ARHGAP33: variants seen among roughly 807,000 people sequenced by gnomAD.
ARHGAP33 encodes Rho GTPase activating protein 33.
Under a neutral mutation model 126.2 loss-of-function variants are expected in ARHGAP33, and 57 were observed. The ratio of observed to expected loss-of-function variants is 0.45; its 90% confidence interval spans 0.36 to 0.56. ARHGAP33 has a LOEUF of 0.56. Ranked by LOEUF, ARHGAP33 falls within the 20% of genes least tolerant of loss-of-function variation. The probability of loss-of-function intolerance (pLI) is 0.00; values close to 1 mark genes in which losing one functional copy is unlikely to be tolerated. For missense variants in ARHGAP33, 1,500 were observed against 1,748.3 expected, an observed-to-expected ratio of 0.86 and a Z score of 2.53; for synonymous variants, 711 against 755.0, an observed-to-expected ratio of 0.94 and a Z score of 0.95.
chr19:35,785,051 C>T lies in ARHGAP33; in HGVS notation c.1666C>T (p.Leu556=), dbSNP rs1307076280. 3.9e-6 allele frequency: 6 copies of T among 1,556,202 alleles called. No homozygotes were observed. Among genetic ancestry groups the T allele is most frequent in the Non-Finnish European group, 4.3e-6 (5 of 1,150,230 alleles). ...AGCCCAGGCACGCACCCAGGGCCGGCTGGGGACGCCCACGGAGCCCACAAC... is the reference window on the plus strand; with the variant it reads ...AGCCCAGGCACGCACCCAGGGCCGGTTGGGGACGCCCACGGAGCCCACAAC... ...EEAQARTQGR[L]GTPTEPTTPK... Residue 556 remains leucine, a synonymous_variant, in exon 17 of 21, where the codon CTG becomes TTG. Transcript: ENST00000007510.
chr19:35,780,276 G>T lies in ARHGAP33; in HGVS notation c.567G>T (p.Ala189=). Residue 189 remains alanine (A), a synonymous_variant, in exon 7 of 21, where the codon GCG becomes GCT. Transcript: ENST00000007510. ...CGTCACTCAATATCCCTGCAGTGGC[G>T]GCCGCCCATGTGATCAAACGGTATA... is the stretch of plus-strand genomic sequence containing the variant. ...EEASLNIPAV[A]AAHVIKRYTA... 6.2e-7 allele frequency: 1 copy of T among 1,613,808 alleles called. No individual in the cohort carries two copies. The highest frequency in any genetic ancestry group is 8.5e-7 in the Non-Finnish European group (1 of 1,180,022).
Position 35,785,037 on chromosome 19 carries a change from G to T in ARHGAP33, c.1652G>T (p.Arg551Leu). The change falls in exon 17 of 21, where the codon CGC becomes CTC. Residue 551 changes from arginine (R) to leucine (L), a missense_variant. Arg to Leu is a moderately radical substitution (Grantham distance 102). This residue lies in a region of ARHGAP33 where 300 missense variants were observed against 291.1 expected (regional missense o/e 1.03). Coordinates refer to ENST00000007510, the MANE Select transcript of ARHGAP33 (RefSeq NM_001366178.1). Reference protein sequence around the residue: ...RLLTLEEAQARTQGRLGTPTE... With the variant: ...RLLTLEEAQALTQGRLGTPTE... ...CTGACGCTGGAGGAAGCCCAGGCAC[G>T]CACCCAGGGCCGGCTGGGGACGCCC... 1 of 1,552,562 alleles carries T rather than the reference G, an allele frequency of 6.4e-7. No individual in the cohort carries two copies.
Position 35,775,606 on chromosome 19 carries a change from G to T in ARHGAP33, c.-53G>T. The T allele has an allele frequency of 6.7e-7, 1 of 1,492,506 alleles. No homozygotes were observed. Among genetic ancestry groups the T allele is most frequent in the Non-Finnish European group, 8.9e-7 (1 of 1,125,994 alleles). 92.5% of individuals were successfully genotyped at this position (1,492,506 alleles called of 1,614,324 possible). A position where few individuals can be genotyped will look rare whatever the true frequency, so the allele number is the denominator to read the frequency against. ...GCCATGGCGGCGGCAGCGGCGACGA[G>T]AACGGCGAGCGAGGGGTCGAGCGCG... On this transcript the variant is annotated 5_prime_UTR_variant, in exon 1 of 21. Transcript: ENST00000007510.
Position 35,782,403 on chromosome 19 carries a change from G to A in ARHGAP33, c.1116G>A (p.Glu372=). Residue 372 remains glutamate (E), a synonymous_variant, in exon 13 of 21, where the codon GAG becomes GAA. Transcript: ENST00000007510. The surrounding 1 kb of genome is among the most constrained non-coding windows in gnomAD (Gnocchi z 4.1). The part of the protein sequence containing the change: ...RHEFDSERIP[E]LSGPAFLQDI... The stretch of plus-strand genomic sequence containing the variant: ...AGTTTGACAGTGAGAGGATCCCGGA[G>A]CTGTCTGGCCCTGCATTCCTGCAGG... 6.2e-7 allele frequency: 1 copy of A among 1,609,324 alleles called. No individual in the cohort carries two copies. Among genetic ancestry groups the A allele is most frequent in the Non-Finnish European group, 8.5e-7 (1 of 1,176,058 alleles).
In ARHGAP33 at chr19:35,786,550, T is replaced by G. The variant is rs1972119976; in HGVS notation, c.2080T>G (p.Ser694Ala). 6.5e-7 allele frequency: 1 copy of G among 1,536,064 alleles called. No individual in the cohort carries two copies. Residue 694 changes from serine (S) to alanine (A), a missense_variant, in exon 20 of 21, where the codon TCC (serine) becomes GCC (alanine). Ser to Ala is a moderately conservative substitution (Grantham distance 99). Coordinates refer to ENST00000007510, the MANE Select transcript of ARHGAP33 (RefSeq NM_001366178.1). This position sits in a 1 kb window ranked among gnomAD's most constrained non-coding sequence, Gnocchi z 7.0. ...GTCCTCCTCCTCTGAGTCCTCCTCTTCCTCCTCTGAGTCCTCAGCAGCTGG... is the reference window on the plus strand; with the variant it reads ...GTCCTCCTCCTCTGAGTCCTCCTCTGCCTCCTCTGAGTCCTCAGCAGCTGG... Reference protein sequence around the residue: ...SESSSSESSSSSSESSAAGLG... With the variant: ...SESSSSESSSASSESSAAGLG...
At chr19:35,776,317 C>T (rs141841176) in intron 1 of ARHGAP33, among the ~76,000 whole-genome samples, 1 of 151,928 alleles carries the variant, frequency 6.6e-6, no homozygotes, top group Admixed American at 6.6e-5. Flanking sequence ...CCTCCCCCAC[C>T]ATTTCCCTCT....
Position 35,785,259 on chromosome 19 carries a change from G to A in ARHGAP33, c.1792G>A (p.Gly598Ser). The A allele has an allele frequency of 6.3e-7, 1 of 1,595,608 alleles. No homozygotes were observed. The highest frequency in any genetic ancestry group is 8.5e-7 in the Non-Finnish European group (1 of 1,170,538). Residue 598 changes from glycine (G) to serine (S), a missense_variant, in exon 18 of 21, where the codon GGC (glycine) becomes AGC (serine). Physicochemically the swap from Gly to Ser is moderately conservative, Grantham distance 56. This residue lies in a region of ARHGAP33 where 300 missense variants were observed against 291.1 expected (regional missense o/e 1.03). Transcript: ENST00000007510. ...GSSWKTFFALGRGPSVPRKKP... is the reference protein window; with the variant it reads ...GSSWKTFFALSRGPSVPRKKP... ...CAGCTGGAAGACGTTCTTTGCACTGGGCCGGGGCCCCAGTGTCCCTCGAAA... is the reference window on the plus strand; with the variant it reads ...CAGCTGGAAGACGTTCTTTGCACTGAGCCGGGGCCCCAGTGTCCCTCGAAA...
At position 35,778,542 on chromosome 19, in the gene ARHGAP33, C is replaced by G. The variant is rs777911177; in HGVS notation, c.349C>G (p.Arg117Gly). 1 of 1,614,162 alleles carries G rather than the reference C, an allele frequency of 6.2e-7. No homozygotes were observed. The highest frequency in any genetic ancestry group is 8.5e-7 in the Non-Finnish European group (1 of 1,180,018). ...DAHLHRCIFD[R>G]RFSCLPELPP... ...CCACCTCCACCGGTGCATATTTGACCGGAGGTTCTCCTGCCTTCCGGAGCT... is the reference window on the plus strand; with the variant it reads ...CCACCTCCACCGGTGCATATTTGACGGGAGGTTCTCCTGCCTTCCGGAGCT... The change falls in exon 5 of 21, where the codon CGG becomes GGG. Residue 117 changes from arginine to glycine, a missense_variant. Physicochemically the swap from Arg to Gly is moderately radical, Grantham distance 125 (BLOSUM62 -2). This residue lies in a region of ARHGAP33 where 75 missense variants were observed against 152.7 expected (regional missense o/e 0.49). Transcript: ENST00000007510.
In ARHGAP33 at chr19:35,785,155, TCA is replaced by T. The variant is rs772967373; in HGVS notation, c.1722-33_1722-32del. 22 of 1,578,664 alleles carry T rather than the reference TCA, an allele frequency of 1.4e-5. No homozygotes were observed. In the African/African-American group the frequency reaches 3.0e-4, roughly 21 times the overall value. On this transcript the variant is annotated intron_variant, in intron 17 of 20. Coordinates refer to ENST00000007510, the MANE Select transcript of ARHGAP33 (RefSeq NM_001366178.1). ...GAGGGGCAGGTGGAGGCCTGGTTCC[TCA>T]GACGGCCTCCTGTTTCTCCCCCAAA...
At chr19:35,777,504 TC>T (rs1322158422) in intron 1 of ARHGAP33, 140 bp from the exon 2 acceptor site, 3 of 689,304 alleles carry the variant, frequency 4.4e-6, no homozygotes, top group Non-Finnish European at 7.7e-6. Flanking sequence ...AGCCCTCACC[TC>T]CCCCGACCTG....
At chr19:35,785,744 TATC>T (rs1972079799) in intron 19 of ARHGAP33, 10 of 1,316,666 alleles carry the variant, frequency 7.6e-6, no homozygotes, top group Non-Finnish European at 9.7e-6. Flanking sequence ...TTTAAAATAA[TATC>T]ATGGACACCC....
intron 1 of ARHGAP33, 26 bp from the exon 2 acceptor site, chr19:35,777,619 G>A: frequency 1.3e-6 from 2 of 1,540,996 alleles, no homozygotes; most frequent in Admixed American, 2.0e-5. Flanking sequence ...CATCTCTGGG[G>A]GCCTCTGATT....
chr19:35,778,269 T>C lies in ARHGAP33; in HGVS notation c.190-11T>C. 2.5e-6 allele frequency: 4 copies of C among 1,614,116 alleles called. No individual in the cohort carries two copies. Among genetic ancestry groups the C allele is most frequent in the Non-Finnish European group, 3.4e-6 (4 of 1,180,000 alleles). ...ACAAAAGTCCACCTGGGCCTTGCTTTCCCTCTGCAGCTCCTGCTGTCTCCA... is the reference window on the plus strand; with the variant it reads ...ACAAAAGTCCACCTGGGCCTTGCTTCCCCTCTGCAGCTCCTGCTGTCTCCA... On this transcript the variant is annotated splice_polypyrimidine_tract_variant and intron_variant, in intron 3 of 20. Transcript: ENST00000007510.
intron 1 of ARHGAP33, among the ~76,000 whole-genome samples, chr19:35,777,261 A>C (rs1293688152): frequency 6.6e-6 from 1 of 152,182 alleles, no homozygotes; most frequent in Non-Finnish European, 1.5e-5. Flanking sequence ...TATTGCGGAA[A>C]AGCTGGCAGG....
In ARHGAP33 at chr19:35,780,737, C is replaced by A; in HGVS notation, c.770-20C>A. Reference sequence around the variant, plus strand: ...TTTTGCCTCCCACTCATCCCTTCCACCCCATTTTTCGCCTAGCAGATGCCG... The same window carrying A: ...TTTTGCCTCCCACTCATCCCTTCCAACCCATTTTTCGCCTAGCAGATGCCG... On this transcript the variant is annotated intron_variant, in intron 9 of 20. Transcript: ENST00000007510. The A allele has an allele frequency of 6.2e-7, 1 of 1,613,720 alleles. No individual in the cohort carries two copies. The highest frequency in any genetic ancestry group is 8.5e-7 in the Non-Finnish European group (1 of 1,179,982).
chr19:35,776,850 G>C (rs1314826342), intron 1 of ARHGAP33, among the ~76,000 whole-genome samples: 1 of 152,222 alleles, frequency 6.6e-6, no homozygotes, highest in East Asian at 1.9e-4. Context: ...TCAGGGGATG[G>C]AGAGAGTCCA....
rs1170487242 is a variant in ARHGAP33, at chr19:35,777,694, C to A, written c.56C>A (p.Pro19His). The A allele has an allele frequency of 6.3e-7, 1 of 1,599,642 alleles. No individual in the cohort carries two copies. ...GGCCCAGGGGAGGGCTCGGTGCAGC[C>A]TCTACCCACTGCTGGGGGGCCCAGT... ...LDGPGEGSVQ[P>H]LPTAGGPSVK... The change falls in exon 2 of 21, where the codon CCT (proline) becomes CAT (histidine). Residue 19 changes from proline to histidine, a missense_variant. Physicochemically the swap from Pro to His is moderately conservative, Grantham distance 77. Transcript: ENST00000007510.
rs1391784711 is a variant in ARHGAP33 at position 35,782,566 on chromosome 19, C to T, written c.1231-31C>T. On this transcript the variant is annotated intron_variant, in intron 13 of 20. Transcript: ENST00000007510. This position sits in a 1 kb window ranked among gnomAD's most constrained non-coding sequence, Gnocchi z 4.1. ...GGAGGGGGCCGGGACGCCTCTGGCC[C>T]AGACCTCATCACACCTGCCCACCAT... 1 of 1,613,666 alleles carries T rather than the reference C, an allele frequency of 6.2e-7. No individual in the cohort carries two copies. The highest frequency in any genetic ancestry group is 8.5e-7 in the Non-Finnish European group (1 of 1,179,844).
Position 35,787,240 on chromosome 19 carries a change from C to T in ARHGAP33, c.2675C>T (p.Pro892Leu). 6.2e-7 allele frequency: 1 copy of T among 1,609,722 alleles called. No homozygotes were observed. Among genetic ancestry groups the T allele is most frequent in the Admixed American group, 1.7e-5 (1 of 59,110 alleles). Reference sequence around the variant, plus strand: ...CGCCCTGGGGGTGCCCCACCCCCGCCCCCTAAGAACCCAGCACGCCTCATG... The same window carrying T: ...CGCCCTGGGGGTGCCCCACCCCCGCTCCCTAAGAACCCAGCACGCCTCATG... Reference protein sequence around the residue: ...LLRPGGAPPPPPKNPARLMAL... With the variant: ...LLRPGGAPPPLPKNPARLMAL... The change falls in exon 21 of 21, where the codon CCC (proline) becomes CTC (leucine). Residue 892 changes from proline (P) to leucine (L), a missense_variant. Coordinates refer to ENST00000007510, the MANE Select transcript of ARHGAP33 (RefSeq NM_001366178.1).
Sources: gnomAD v4.1 joint callset for allele counts (sites outside exome capture counted in the v4.1 genomes callset) on GRCh38, gnomAD v4.1.1 for gene constraint, gnomAD v4.1.1 regional missense constraint, Gnocchi (gnomAD v3.1) non-coding constraint, MANE v1.5 for transcripts, NCBI Gene and HGNC (gene_info 2026-07-23, HGNC 2026-07-21) for gene names.